SCAPER: variants seen among roughly 807,000 people sequenced by gnomAD.
SCAPER encodes S phase cyclin A-associated protein in the endoplasmic reticulum.
A neutral mutation model predicts 182.2 loss-of-function variants in SCAPER; 98 were observed. The observed-to-expected ratio is 0.54, with a 90% CI of 0.46 to 0.64. The LOEUF (loss-of-function observed/expected upper bound fraction) is 0.64, where lower values mean the gene tolerates loss of function less well. SCAPER is among the 30% of genes least tolerant of loss of function. SCAPER has a pLI of 0.00. For missense variants in SCAPER, 1,432 were observed against 1,690.0 expected, an observed-to-expected ratio of 0.85 and a Z score of 2.68; for synonymous variants, 605 against 564.6, an observed-to-expected ratio of 1.07 and a Z score of -1.01.
chr15:76,360,592 T>C (rs2041333945), intron 29 of SCAPER, among the ~76,000 whole-genome samples: 1 of 152,274 alleles, frequency 6.6e-6, no homozygotes, highest in South Asian at 2.1e-4. Context: ...GCCAGCTTCT[T>C]GCATGGCTCT....
intron 24 of SCAPER, chr15:76,472,374 T>C: frequency 1.4e-6 from 1 of 716,178 alleles, no homozygotes; most frequent in Non-Finnish European, 2.5e-6. Context: ...GTGAAGCGTG[T>C]GCATTTTTGG....
At chr15:76,682,576 C>T (rs73461332) in intron 20 of SCAPER, among the ~76,000 whole-genome samples, 10 of 152,166 alleles carry the variant, frequency 6.6e-5, no homozygotes, top group Non-Finnish European at 7.3e-5. Context: ...CAAAACAGTG[C>T]GGCATTTGCT....
At chr15:76,464,758 C>T (rs187007109) in intron 25 of SCAPER, among the ~76,000 whole-genome samples, 15 of 152,206 alleles carry the variant, frequency 9.9e-5, no homozygotes, top group Non-Finnish European at 1.5e-5. Flanking sequence ...ATTTTGAATA[C>T]GTACCCAGAA....
At chr15:76,545,307 A>C (rs1325377830) in intron 23 of SCAPER, among the ~76,000 whole-genome samples, 3 of 152,190 alleles carry the variant, frequency 2.0e-5, no homozygotes, top group Non-Finnish European at 4.4e-5. Flanking sequence ...CTGGCACAAG[A>C]AAATATCTCT....
rs2066805442 is a variant in SCAPER at position 76,813,249 on chromosome 15, A to AAAAAAAAAAAAAAC, written c.394-8617_394-8616insGTTTTTTTTTTTTT. Among the ~76,000 whole-genome samples, 28 of 60,188 alleles carry AAAAAAAAAAAAAAC rather than the reference A, an allele frequency of 4.7e-4. 3 individuals are homozygous for AAAAAAAAAAAAAAC. Among genetic ancestry groups the AAAAAAAAAAAAAAC allele is most frequent in the Non-Finnish European group, 9.7e-4 (21 of 21,542 alleles). 39.5% of individuals were successfully genotyped at this position (60,188 alleles called of 152,430 possible). ...CACTAAAAAAAAAAAAAAAAAAAAA[A>AAAAAAAAAAAAAAC]AAAAAACAACTCAACAAAATAGGTA... On this transcript the variant is annotated intron_variant, in intron 5 of 31. Transcript: ENST00000563290.
rs1212636119 is a variant in SCAPER, at chr15:76,652,269, AAAAAATATATAT to A, written c.2645+13372_2645+13383del. Among the ~76,000 whole-genome samples, 5 of 17,726 alleles carry A rather than the reference AAAAAATATATAT, an allele frequency of 2.8e-4. 1 individual carries two copies. The highest frequency in any genetic ancestry group is 1.0e-3 in the African/African-American group (5 of 4,804). The allele number at this position is 17,726 out of a possible 152,430, so 11.6% of individuals were successfully genotyped here. A position where few individuals can be genotyped will look rare whatever the true frequency, so the allele number is the denominator to read the frequency against. On this transcript the variant is annotated intron_variant, in intron 21 of 31. Transcript: ENST00000563290. ...CTGTGTCTCTGCTAAAAAAAAAAAAAAAAAATATATATATATATATATATATATATATATATA... is the reference window on the plus strand; with the variant it reads ...CTGTGTCTCTGCTAAAAAAAAAAAAAATATATATATATATATATATATATA...
chr15:76,647,941 C>A (rs902118737), intron 21 of SCAPER, among the ~76,000 whole-genome samples: 1 of 151,862 alleles, frequency 6.6e-6, no homozygotes, highest in African/African-American at 2.4e-5. Context: ...CAAAAGCAAA[C>A]GTACAAGTTT....
intron 19 of SCAPER, among the ~76,000 whole-genome samples, chr15:76,702,614 A>AT (rs2059020849): frequency 6.6e-6 from 1 of 151,874 alleles, no homozygotes; most frequent in South Asian, 2.1e-4. Flanking sequence ...TGCCCAGCTA[A>AT]TTTTTTGTAT....
At chr15:76,652,492 AAT>A (rs546598892) in intron 21 of SCAPER, among the ~76,000 whole-genome samples, 17 of 95,108 alleles carry the variant, frequency 1.8e-4, no homozygotes, top group Admixed American at 2.8e-4. Context: ...GTCTTTGCTA[AAT>A]ATATATATAT....
chr15:76,537,866 T>C (rs2044325024), intron 23 of SCAPER, among the ~76,000 whole-genome samples: 1 of 151,898 alleles, frequency 6.6e-6, no homozygotes, highest in African/African-American at 2.4e-5. Flanking sequence ...TCAAACAAAT[T>C]TACGAGAAAA....
At chr15:76,745,331 C>T (rs558590881) in intron 15 of SCAPER, among the ~76,000 whole-genome samples, 36 of 152,180 alleles carry the variant, frequency 2.4e-4, no homozygotes, top group Non-Finnish European at 2.4e-4. Flanking sequence ...TGCTTGTAAT[C>T]TCAGCTACTC....
At chr15:76,712,484 G>C (rs960650471) in intron 17 of SCAPER, among the ~76,000 whole-genome samples, 1 of 152,168 alleles carries the variant, frequency 6.6e-6, no homozygotes, top group Non-Finnish European at 1.5e-5. Context: ...GAAAGTCATC[G>C]GTAGCTTGAT....
chr15:76,771,649 A>G lies in SCAPER; in HGVS notation c.1248+93T>C, dbSNP rs375602470. ...AATATATAAAAATGCTTTAAAAAGT[A>G]TAAATCATACAAGTTATTATTATTG... On this transcript the variant is annotated intron_variant, in intron 10 of 31. Transcript: ENST00000563290. 3.4e-6 allele frequency: 3 copies of G among 890,096 alleles called. No individual in the cohort carries two copies. The East Asian group carries it at 7.5e-5, about 22-fold the overall frequency. The allele number at this position is 890,096 out of a possible 1,614,324, so 55.1% of individuals were successfully genotyped here. A position where few individuals can be genotyped will look rare whatever the true frequency, so the allele number is the denominator to read the frequency against.
chr15:76,754,342 T>C (rs561843103), intron 14 of SCAPER, among the ~76,000 whole-genome samples: 1 of 152,202 alleles, frequency 6.6e-6, no homozygotes, highest in East Asian at 1.9e-4. Flanking sequence ...GAATATAGTG[T>C]ATAATTCTTG....
intron 10 of SCAPER, among the ~76,000 whole-genome samples, chr15:76,769,216 G>C (rs2063297777): frequency 6.6e-6 from 1 of 152,072 alleles, no homozygotes; most frequent in South Asian, 2.1e-4. Flanking sequence ...GCCGAGGCGG[G>C]TGGATCACGA....
At chr15:76,537,848 C>A (rs1185306261) in intron 23 of SCAPER, among the ~76,000 whole-genome samples, 2 of 152,136 alleles carry the variant, frequency 1.3e-5, no homozygotes, top group African/African-American at 2.4e-5. Flanking sequence ...CCAGAATCTA[C>A]AATCAACTCA....
intron 1 of SCAPER, among the ~76,000 whole-genome samples, chr15:76,900,250 C>A (rs866096348): frequency 1.4e-3 from 208 of 150,934 alleles, no homozygotes; most frequent in African/African-American, 4.7e-3. Flanking sequence ...CCTTTGTTCT[C>A]GTGTTTATCT....
chr15:76,900,655 T>G (rs2074730804), intron 1 of SCAPER, among the ~76,000 whole-genome samples: 1 of 152,156 alleles, frequency 6.6e-6, no homozygotes, highest in Non-Finnish European at 1.5e-5. Context: ...CTAAGAATCC[T>G]AGAGATGGAA....
intron 20 of SCAPER, among the ~76,000 whole-genome samples, chr15:76,700,417 G>C (rs1012910291): frequency 6.6e-6 from 1 of 152,184 alleles, no homozygotes; most frequent in Non-Finnish European, 1.5e-5. Flanking sequence ...TAGGATTCCA[G>C]AGGTCCGTGG....
Sources: gnomAD v4.1 joint callset for allele counts (sites outside exome capture counted in the v4.1 genomes callset) on GRCh38, gnomAD v4.1.1 for gene constraint, MANE v1.5 for transcripts, NCBI Gene and HGNC (gene_info 2026-07-23, HGNC 2026-07-21) for gene names.